The following ARHGAP24 variants were observed in gnomAD, a reference collection of about 807,000 sequenced individuals.
ARHGAP24 encodes the protein Rho GTPase activating protein 24.
ARHGAP24 carries 50 observed loss-of-function variants against 76.4 expected under a neutral mutation model. The ratio of observed to expected loss-of-function variants is 0.65; its 90% CI spans 0.52 to 0.83. ARHGAP24 has a LOEUF of 0.83. Ranked by LOEUF, ARHGAP24 falls within the 40% of genes least tolerant of loss-of-function variation. The pLI, the probability that ARHGAP24 is intolerant of heterozygous loss-of-function variation, is 0.00. For synonymous variants in ARHGAP24, 345 were observed against 323.3 expected (o/e 1.07, Z -0.72); for missense variants, 930 against 914.2 (o/e 1.02, Z -0.22).
chr4:85,963,819 C>T (rs1035462052), intron 5 of ARHGAP24, among the ~76,000 whole-genome samples: 4 of 151,938 alleles, frequency 2.6e-5, no homozygotes, highest in Non-Finnish European at 5.9e-5. Context: ...ATTCAAATAT[C>T]GTATTCAAAA....
At chr4:85,902,666 C>T (rs1055385952) in intron 3 of ARHGAP24, among the ~76,000 whole-genome samples, 7 of 152,100 alleles carry the variant, frequency 4.6e-5, no homozygotes, top group Non-Finnish European at 1.0e-4. Flanking sequence ...TGCAATGGTG[C>T]GATTTTGGCT....
chr4:85,641,133 A>G (rs1277085228), intron 2 of ARHGAP24, among the ~76,000 whole-genome samples: 3 of 152,114 alleles, frequency 2.0e-5, no homozygotes, highest in Non-Finnish European at 4.4e-5. Context: ...ATCTCACGCT[A>G]TCACTCAGGC....
intron 3 of ARHGAP24, among the ~76,000 whole-genome samples, chr4:85,894,991 AAACAAAAAG>A (rs1734080019): frequency 8.4e-5 from 2 of 23,918 alleles, no homozygotes; most frequent in South Asian, 1.3e-3. Flanking sequence ...AAAAAAAACA[AAACAAAAAG>A]CAAAAAAAAA....
At chr4:85,822,574 G>A (rs557620160) in intron 3 of ARHGAP24, among the ~76,000 whole-genome samples, 2 of 152,260 alleles carry the variant, frequency 1.3e-5, no homozygotes, top group Non-Finnish European at 2.9e-5. Context: ...ACCAATATAT[G>A]TTGCTGTTAC....
At chr4:85,881,829 G>A (rs1412949799) in intron 3 of ARHGAP24, among the ~76,000 whole-genome samples, 1 of 152,090 alleles carries the variant, frequency 6.6e-6, no homozygotes, top group South Asian at 2.1e-4. Context: ...TTTTAGTGAA[G>A]AGAACAGAAA....
At chr4:85,895,001 C>CAAAAAAAAAAAAAAAAAAAAAAAAAAA (rs1222078793) in intron 3 of ARHGAP24, among the ~76,000 whole-genome samples, 1 of 54,334 alleles carries the variant, frequency 1.8e-5, no homozygotes, top group African/African-American at 8.3e-5. Flanking sequence ...AAACAAAAAG[C>CAAAAAAAAAAAAAAAAAAAAAAAAAAA]AAAAAAAAAA....
At chr4:85,607,235 T>C (rs1231855664) in intron 2 of ARHGAP24, among the ~76,000 whole-genome samples, 1 of 152,300 alleles carries the variant, frequency 6.6e-6, no homozygotes, top group Non-Finnish European at 1.5e-5. Flanking sequence ...TAATGAGATA[T>C]AGAGATCAAC....
intron 2 of ARHGAP24, among the ~76,000 whole-genome samples, chr4:85,670,184 G>A (rs1029543407): frequency 6.6e-6 from 1 of 152,090 alleles, no homozygotes; most frequent in African/African-American, 2.4e-5. Flanking sequence ...ATGAACCACG[G>A]TGCCTGATGG....
In ARHGAP24 at chr4:85,570,364, CTCTTTCTTTCTTTCTTTCTTTCTTTCTT is replaced by C. The variant is rs56272553; in HGVS notation, c.-20-131_-20-104del. Among the ~76,000 whole-genome samples the C allele has an allele frequency of 0.67, 93,183 of 139,842 alleles. 34,856 individuals carry two copies. Among genetic ancestry groups the C allele is most frequent in the Non-Finnish European group, 0.85 (55,715 of 65,692 alleles). 91.7% of individuals were successfully genotyped at this position (139,842 alleles called of 152,430 possible). A position where few individuals can be genotyped will look rare whatever the true frequency, so the allele number is the denominator to read the frequency against. ...TTTTTTCTTTCTTCTTTCTTTCTTT[CTCTTTCTTTCTTTCTTTCTTTCTTTCTT>C]TCTTTCTTTCTTTCTTTCTTTCTTT... On this transcript the variant is annotated intron_variant, in intron 1 of 9. Transcript: ENST00000395184.
At chr4:85,823,149 A>G (rs1729554064) in intron 3 of ARHGAP24, among the ~76,000 whole-genome samples, 1 of 152,204 alleles carries the variant, frequency 6.6e-6, no homozygotes, top group African/African-American at 2.4e-5. Flanking sequence ...CCATTGAAGA[A>G]CATTTAGAAA....
chr4:85,847,419 C>CT (rs1381725621), intron 3 of ARHGAP24, among the ~76,000 whole-genome samples: 1 of 151,944 alleles, frequency 6.6e-6, no homozygotes, highest in African/African-American at 2.4e-5. Context: ...ATTAATGATG[C>CT]TTAATAAAGT....
At chr4:85,811,390 G>C (rs988972035) in intron 3 of ARHGAP24, among the ~76,000 whole-genome samples, 1 of 152,152 alleles carries the variant, frequency 6.6e-6, no homozygotes, top group East Asian at 1.9e-4. Context: ...GAATCCAGTT[G>C]CTAGTGAATA....
At chr4:85,968,442 C>T (rs1222589098) in intron 5 of ARHGAP24, among the ~76,000 whole-genome samples, 1 of 152,044 alleles carries the variant, frequency 6.6e-6, no homozygotes, top group African/African-American at 2.4e-5. Flanking sequence ...GCACATTGGG[C>T]AATTAACACA....
intron 1 of ARHGAP24, among the ~76,000 whole-genome samples, chr4:85,565,674 C>CT (rs1427319925): frequency 6.6e-6 from 1 of 152,134 alleles, no homozygotes; most frequent in Non-Finnish European, 1.5e-5. Flanking sequence ...GCCCTCTTTC[C>CT]TTTTCTCTAG....
At chr4:85,810,961 T>C (rs1487806633) in intron 3 of ARHGAP24, among the ~76,000 whole-genome samples, 1 of 152,228 alleles carries the variant, frequency 6.6e-6, no homozygotes, top group Non-Finnish European at 1.5e-5. Context: ...GTGAACCTGA[T>C]GGCTCATGAC....
intron 3 of ARHGAP24, among the ~76,000 whole-genome samples, chr4:85,861,078 T>C (rs1053554958): frequency 1.3e-5 from 2 of 152,056 alleles, no homozygotes; most frequent in African/African-American, 4.8e-5. Context: ...GATTTCCTTT[T>C]ATACATGGTA....
chr4:85,865,509 A>G (rs896007545), intron 3 of ARHGAP24, among the ~76,000 whole-genome samples: 8 of 147,626 alleles, frequency 5.4e-5, no homozygotes, highest in African/African-American at 1.7e-4. Context: ...TAAATAAAAA[A>G]CAATAAATAA....
At chr4:85,683,133 G>A (rs1050719233) in intron 2 of ARHGAP24, among the ~76,000 whole-genome samples, 3 of 137,636 alleles carry the variant, frequency 2.2e-5, no homozygotes, top group Admixed American at 7.6e-5. Context: ...GGGGGTGCGG[G>A]GGCTGTAAAA....
At chr4:85,761,076 G>A (rs890574439) in intron 3 of ARHGAP24, among the ~76,000 whole-genome samples, 4 of 152,142 alleles carry the variant, frequency 2.6e-5, no homozygotes, top group Non-Finnish European at 5.9e-5. Flanking sequence ...ATGGTAATGA[G>A]GAAAACATTA....
Sources: allele counts gnomAD v4.1 joint callset (sites outside exome capture counted in the v4.1 genomes callset), GRCh38; gene constraint gnomAD v4.1.1; transcripts MANE v1.5; gene names NCBI Gene and HGNC (gene_info 2026-07-23, HGNC 2026-07-21).